GALNT13: variants seen among roughly 807,000 people sequenced by gnomAD.
GALNT13 encodes polypeptide N-acetylgalactosaminyltransferase 13.
GALNT13 carries 28 observed loss-of-function variants against 64.2 expected under a neutral mutation model. That is an observed-to-expected ratio of 0.44 (90% confidence interval 0.32 to 0.60). GALNT13 has a LOEUF of 0.60. GALNT13 is among the 20% of genes least tolerant of loss of function. The pLI, the probability that GALNT13 is intolerant of heterozygous loss-of-function variation, is 0.05. For synonymous variants in GALNT13, 214 were observed against 224.6 expected (o/e 0.95, Z 0.42); for missense variants, 577 against 669.8 (o/e 0.86, Z 1.53).
intron 9 of GALNT13, among the ~76,000 whole-genome samples, chr2:154,333,314 CTAAG>C (rs1369826314): frequency 2.6e-5 from 4 of 151,786 alleles, no homozygotes; most frequent in African/African-American, 9.7e-5. Context: ...AAATGTTTTT[CTAAG>C]TAGAGACATG....
At chr2:153,269,967 C>T in the GALNT13 span, among the ~76,000 whole-genome samples, 4 of 152,136 alleles carry the variant, frequency 2.6e-5, no homozygotes, top group Non-Finnish European at 5.9e-5. Flanking sequence ...TTGGGGATTA[C>T]AATTCAAGAT....
chr2:154,236,864 T>G lies in GALNT13; in HGVS notation c.312-5166T>G, dbSNP rs113303493. Among the ~76,000 whole-genome samples the G allele has an allele frequency of 6.8e-3, 1,029 of 152,156 alleles. 10 individuals are homozygous for G. The highest frequency in any genetic ancestry group is 0.024 in the African/African-American group (995 of 41,558). On this transcript the variant is annotated intron_variant, in intron 4 of 12. Coordinates refer to ENST00000392825, the MANE Select transcript of GALNT13 (RefSeq NM_052917.4). Reference sequence around the variant, plus strand: ...TCAAGCTGACATTTTATGCTTAGTTTTAATGAAGTGATCCCAGGGAAATTG... The same window carrying G: ...TCAAGCTGACATTTTATGCTTAGTTGTAATGAAGTGATCCCAGGGAAATTG...
intron 3 of GALNT13, among the ~76,000 whole-genome samples, chr2:154,131,340 G>C (rs755190053): frequency 2.6e-5 from 4 of 152,128 alleles, no homozygotes; most frequent in Non-Finnish European, 5.9e-5. Flanking sequence ...TAATATAGGA[G>C]TATGCTTTTT....
At chr2:153,269,536 C>T in the GALNT13 span, among the ~76,000 whole-genome samples, 1 of 152,140 alleles carries the variant, frequency 6.6e-6, no homozygotes, top group African/African-American at 2.4e-5. Context: ...CCACATTTTC[C>T]TGTCTACTTC....
chr2:153,297,758 C>G, the GALNT13 span, among the ~76,000 whole-genome samples: 428 of 152,266 alleles, frequency 2.8e-3, 2 homozygotes, highest in African/African-American at 9.8e-3. Flanking sequence ...AGTGCAGTTG[C>G]TGAGGCTAAC....
chr2:153,214,664 C>T, the GALNT13 span, among the ~76,000 whole-genome samples: 1 of 152,180 alleles, frequency 6.6e-6, no homozygotes, highest in East Asian at 1.9e-4. Flanking sequence ...GGGACTTAAA[C>T]ATTTACTGAA....
chr2:153,627,142 G>A, the GALNT13 span, among the ~76,000 whole-genome samples: 1 of 151,962 alleles, frequency 6.6e-6, no homozygotes, highest in Non-Finnish European at 1.5e-5. Context: ...GACTATAAAG[G>A]GACAAGCCTG....
the GALNT13 span, among the ~76,000 whole-genome samples, chr2:153,127,993 C>A: frequency 6.6e-6 from 1 of 152,122 alleles, no homozygotes; most frequent in African/African-American, 2.4e-5. Flanking sequence ...TTATCACTTA[C>A]AGATGAGGGG....
chr2:153,316,117 A>G, the GALNT13 span, among the ~76,000 whole-genome samples: 1 of 152,078 alleles, frequency 6.6e-6, no homozygotes, highest in African/African-American at 2.4e-5. Flanking sequence ...CTGAAAAAAA[A>G]GAAAAAGAAG....
the GALNT13 span, among the ~76,000 whole-genome samples, chr2:153,137,948 G>C: frequency 1.3e-5 from 2 of 151,908 alleles, no homozygotes; most frequent in African/African-American, 4.8e-5. Flanking sequence ...ATTCCAATGC[G>C]TACTTCATGT....
At chr2:153,324,631 C>T in the GALNT13 span, among the ~76,000 whole-genome samples, 1 of 152,132 alleles carries the variant, frequency 6.6e-6, no homozygotes, top group African/African-American at 2.4e-5. Flanking sequence ...TCATAAATAG[C>T]TCTTATTATT....
At chr2:153,761,896 G>C in the GALNT13 span, 1 of 167,126 alleles carries the variant, frequency 6.0e-6, no homozygotes, top group Non-Finnish European at 1.3e-5. Flanking sequence ...AGTAAAAACA[G>C]CATGGTCCTT....
At chr2:153,201,488 T>G in the GALNT13 span, among the ~76,000 whole-genome samples, 2 of 152,208 alleles carry the variant, frequency 1.3e-5, no homozygotes, top group Non-Finnish European at 2.9e-5. Context: ...GTCTTTAAAA[T>G]TGATTTATGT....
chr2:153,852,865 G>T, the GALNT13 span, among the ~76,000 whole-genome samples: 1 of 152,264 alleles, frequency 6.6e-6, no homozygotes, highest in South Asian at 2.1e-4. Flanking sequence ...TTGAGGGACA[G>T]GATTAATAGG....
chr2:153,998,404 C>CT (rs879262839), intron 3 of GALNT13, among the ~76,000 whole-genome samples: 1 of 152,118 alleles, frequency 6.6e-6, no homozygotes, highest in Admixed American at 6.6e-5. Flanking sequence ...TGATAATGAG[C>CT]TTTTTTTCAT....
At chr2:153,581,529 T>C in the GALNT13 span, among the ~76,000 whole-genome samples, 1 of 152,114 alleles carries the variant, frequency 6.6e-6, no homozygotes, top group Non-Finnish European at 1.5e-5. Flanking sequence ...TCCTTGCTAT[T>C]ATCTTCTATG....
chr2:154,321,415 G>T (rs1212032414), intron 9 of GALNT13, among the ~76,000 whole-genome samples: 11 of 152,068 alleles, frequency 7.2e-5, no homozygotes. Context: ...CAATTTATTT[G>T]AATATAACCA....
At chr2:153,302,310 G>A in the GALNT13 span, among the ~76,000 whole-genome samples, 1 of 152,014 alleles carries the variant, frequency 6.6e-6, no homozygotes, top group Non-Finnish European at 1.5e-5. Context: ...TTGTTATATT[G>A]AGCATTTTTT....
the GALNT13 span, among the ~76,000 whole-genome samples, chr2:153,349,103 C>T: frequency 1.3e-5 from 2 of 152,060 alleles, no homozygotes; most frequent in Admixed American, 1.3e-4. Context: ...AATGGACTGT[C>T]AGGAAAAAGA....
Sources: gnomAD v4.1 joint callset for allele counts (sites outside exome capture counted in the v4.1 genomes callset) on GRCh38, gnomAD v4.1.1 for gene constraint, MANE v1.5 for transcripts, NCBI Gene and HGNC (gene_info 2026-07-23, HGNC 2026-07-21) for gene names.